The following CSMD1 variants were observed in gnomAD, a reference collection of about 807,000 sequenced individuals.
The protein encoded by CSMD1 is CUB and Sushi multiple domains 1.
Under a neutral mutation model 417.5 loss-of-function variants are expected in CSMD1, and 213 were observed. The ratio of observed to expected loss-of-function variants is 0.51; its 90% CI spans 0.46 to 0.57. The LOEUF (loss-of-function observed/expected upper bound fraction) is 0.57. Among genes scored for constraint, CSMD1 ranks in the 20% least tolerant of loss-of-function variants. The pLI, the probability that CSMD1 is intolerant of heterozygous loss-of-function variation, is 0.00. For missense variants in CSMD1, 6,923 were observed against 4,529.7 expected, an observed-to-expected ratio of 1.53 and a Z score of -15.17; for synonymous variants, 2,862 against 1,736.8, an observed-to-expected ratio of 1.65 and a Z score of -16.11.
chr8:3,472,801 C>G (rs1472702267), intron 11 of CSMD1, among the ~76,000 whole-genome samples: 3 of 152,034 alleles, frequency 2.0e-5, no homozygotes, highest in Non-Finnish European at 4.4e-5. Context: ...GCAGTCAAAA[C>G]ATGAAATACC....
chr8:4,309,259 C>T (rs6984591), intron 3 of CSMD1, among the ~76,000 whole-genome samples: 2 of 151,624 alleles, frequency 1.3e-5, no homozygotes, highest in Non-Finnish European at 2.9e-5. Context: ...TAATTCACAC[C>T]AACTAATTAT....
At chr8:3,976,371 G>T (rs1202024236) in intron 5 of CSMD1, among the ~76,000 whole-genome samples, 1 of 152,150 alleles carries the variant, frequency 6.6e-6, no homozygotes, top group Non-Finnish European at 1.5e-5. Flanking sequence ...CGTTGATGAA[G>T]ATTCCTGAAC....
At chr8:3,036,312 AG>A (rs1192184990) in intron 50 of CSMD1, among the ~76,000 whole-genome samples, 4 of 152,194 alleles carry the variant, frequency 2.6e-5, no homozygotes, top group African/African-American at 9.6e-5. Flanking sequence ...CAAAAATTTC[AG>A]AAACTTATCA....
At chr8:4,125,449 TG>T (rs1350747686) in intron 3 of CSMD1, among the ~76,000 whole-genome samples, 1 of 152,210 alleles carries the variant, frequency 6.6e-6, no homozygotes, top group African/African-American at 2.4e-5. Context: ...TGATGTCCCA[TG>T]TCTCCCTAAA....
intron 1 of CSMD1, among the ~76,000 whole-genome samples, chr8:4,773,754 T>C (rs555578243): frequency 3.9e-5 from 6 of 152,322 alleles, no homozygotes; most frequent in African/African-American, 1.4e-4. Context: ...AATACTGATA[T>C]AATCATATTA....
At chr8:3,536,467 G>T (rs77839404) in intron 10 of CSMD1, among the ~76,000 whole-genome samples, 1 of 152,322 alleles carries the variant, frequency 6.6e-6, no homozygotes, top group East Asian at 1.9e-4. Flanking sequence ...AGTTGGGCCA[G>T]GTTTCCTCTT....
intron 8 of CSMD1, among the ~76,000 whole-genome samples, chr8:3,616,431 G>T (rs903756230): frequency 2.6e-5 from 4 of 152,134 alleles, no homozygotes; most frequent in African/African-American, 7.2e-5. Flanking sequence ...CAACCATGCT[G>T]AACTATGAGT....
intron 26 of CSMD1, among the ~76,000 whole-genome samples, chr8:3,266,604 C>CAA (rs60439183): frequency 0.024 from 603 of 25,200 alleles, 18 homozygotes; most frequent in Middle Eastern, 0.062. Context: ...GACTCCCTCT[C>CAA]AAAAAAAAAA....
At chr8:3,622,123 T>C (rs554859623) in intron 7 of CSMD1, among the ~76,000 whole-genome samples, 14 of 152,226 alleles carry the variant, frequency 9.2e-5, no homozygotes, top group Admixed American at 3.3e-4. Flanking sequence ...TCTCAATGAG[T>C]AAGCAGTGGT....
chr8:4,980,375 A>G (rs978009282), intron 1 of CSMD1, among the ~76,000 whole-genome samples: 1 of 152,194 alleles, frequency 6.6e-6, no homozygotes, highest in East Asian at 1.9e-4. Context: ...AGCAAGGAGC[A>G]ATAGAGGCGG....
intron 1 of CSMD1, among the ~76,000 whole-genome samples, chr8:4,900,080 T>C (rs1318277377): frequency 2.0e-5 from 3 of 152,198 alleles, no homozygotes; most frequent in Admixed American, 6.5e-5. Context: ...TAGTTCCTTC[T>C]GCTTCCACTG....
At chr8:4,200,651 T>C (rs1249183828) in intron 3 of CSMD1, among the ~76,000 whole-genome samples, 1 of 151,596 alleles carries the variant, frequency 6.6e-6, no homozygotes, top group African/African-American at 2.4e-5. Context: ...AGACTAAGAG[T>C]TCAAGACCAC....
intron 12 of CSMD1, among the ~76,000 whole-genome samples, chr8:3,459,217 G>T (rs1011264447): frequency 6.6e-6 from 1 of 152,198 alleles, no homozygotes; most frequent in Non-Finnish European, 1.5e-5. Context: ...GCACCGTGGT[G>T]GGGCACACGG....
chr8:3,052,842 C>G (rs1382126993), intron 49 of CSMD1, among the ~76,000 whole-genome samples, 195 bp from the exon 50 acceptor site: 5 of 148,654 alleles, frequency 3.4e-5, no homozygotes, highest in Non-Finnish European at 7.4e-5. Flanking sequence ...AGTGCAATGA[C>G]TCGATCTCAG....
At chr8:3,983,606 C>G (rs1267839744) in intron 5 of CSMD1, among the ~76,000 whole-genome samples, 1 of 152,194 alleles carries the variant, frequency 6.6e-6, no homozygotes, top group Non-Finnish European at 1.5e-5. Flanking sequence ...TCATAAACCC[C>G]ATTTATCAAA....
intron 5 of CSMD1, among the ~76,000 whole-genome samples, chr8:3,941,544 C>T (rs940012257): frequency 7.9e-5 from 12 of 152,050 alleles, no homozygotes; most frequent in African/African-American, 1.2e-4. Flanking sequence ...GCTCTCTCTC[C>T]GAGCAGTGGG....
In CSMD1 at chr8:4,348,538, CAAATA is replaced by C. The variant is rs1388356603; in HGVS notation, c.415+71410_415+71414del. 2.7e-5 allele frequency among the ~76,000 whole-genome samples: 4 copies of C among 145,464 alleles called. No individual in the cohort carries two copies. In the East Asian group the frequency reaches 8.4e-4, roughly 31 times the overall value. On this transcript the variant is annotated intron_variant, in intron 3 of 69. Transcript: ENST00000635120. ...TGCAAAGATTTTGAGAGTTGTATCA[CAAATA>C]AAAGTGTGTGTGTGCACATGTGTGC...
At chr8:4,674,811 G>C (rs1487541265) in intron 1 of CSMD1, among the ~76,000 whole-genome samples, 6 of 152,110 alleles carry the variant, frequency 3.9e-5, no homozygotes. Context: ...ATGTGTTAAA[G>C]TGCTAAGCCC....
intron 10 of CSMD1, among the ~76,000 whole-genome samples, chr8:3,553,390 G>A (rs550577017): frequency 6.6e-6 from 1 of 152,190 alleles, no homozygotes; most frequent in African/African-American, 2.4e-5. Context: ...GAAACAGACA[G>A]AGTGTGACAG....
Sources: allele counts gnomAD v4.1 joint callset (sites outside exome capture counted in the v4.1 genomes callset), GRCh38; gene constraint gnomAD v4.1.1; transcripts MANE v1.5; gene names NCBI Gene and HGNC (gene_info 2026-07-23, HGNC 2026-07-21).